CHD8: variants seen among roughly 807,000 people sequenced by gnomAD.
The protein encoded by CHD8 is chromodomain helicase DNA binding protein 8.
CHD8 carries 31 observed loss-of-function variants against 279.2 expected under a neutral mutation model. The ratio of observed to expected loss-of-function variants is 0.11; its 90% CI spans 0.08 to 0.15. The LOEUF (loss-of-function observed/expected upper bound fraction) is 0.15. CHD8 is among the 10% of genes least tolerant of loss of function. The probability of loss-of-function intolerance (pLI) is 1.00; values close to 1 mark genes in which losing one functional copy is unlikely to be tolerated. For synonymous variants in CHD8, 1,081 were observed against 1,139.6 expected, an observed-to-expected ratio of 0.95 and a Z score of 1.04; for missense variants, 2,146 against 3,230.5, an observed-to-expected ratio of 0.66 and a Z score of 8.14.
At chr14:21,454,464 C>G (rs1196421324) in intron 1 of CHD8, among the ~76,000 whole-genome samples, 1 of 152,098 alleles carries the variant, frequency 6.6e-6, no homozygotes, top group Non-Finnish European at 1.5e-5. Flanking sequence ...ACTACAGGCA[C>G]GCGTCACCAT....
chr14:21,397,323 T>C (rs1290025856), intron 27 of CHD8: 1 of 518,824 alleles, frequency 1.9e-6, no homozygotes, highest in South Asian at 1.4e-5. Context: ...GAAGTTTTGT[T>C]AAACTCACTG....
chr14:21,412,062 C>CA (rs907302071), intron 10 of CHD8, among the ~76,000 whole-genome samples: 24 of 133,964 alleles, frequency 1.8e-4, no homozygotes, highest in Admixed American at 4.5e-4. Context: ...AAGATGGTCT[C>CA]AAAAAAAAAC....
At chr14:21,450,834 G>A (rs773639715) in intron 1 of CHD8, among the ~76,000 whole-genome samples, 55 of 150,022 alleles carry the variant, frequency 3.7e-4, no homozygotes, top group Non-Finnish European at 6.6e-4. Flanking sequence ...GTGTTATTAG[G>A]AAATTACTCA....
intron 10 of CHD8, among the ~76,000 whole-genome samples, chr14:21,411,772 G>T (rs1360656472): frequency 6.6e-6 from 1 of 152,188 alleles, no homozygotes; most frequent in Non-Finnish European, 1.5e-5. Context: ...ATTTGAAAAT[G>T]AAAAAGGTGC....
At chr14:21,412,396 A>T (rs1183496282) in intron 10 of CHD8, among the ~76,000 whole-genome samples, 1 of 152,080 alleles carries the variant, frequency 6.6e-6, no homozygotes, top group Non-Finnish European at 1.5e-5. Flanking sequence ...TGCCCACCTC[A>T]GCCTCCCAAA....
At chr14:21,436,037 T>C (rs117863308) in intron 1 of CHD8, among the ~76,000 whole-genome samples, 8 of 152,362 alleles carry the variant, frequency 5.3e-5, no homozygotes, top group Admixed American at 2.0e-4. Flanking sequence ...TGCCCACTTA[T>C]AGATTTCTCC....
intron 1 of CHD8, among the ~76,000 whole-genome samples, chr14:21,443,785 G>A (rs1449076334): frequency 1.3e-5 from 2 of 151,112 alleles, no homozygotes; most frequent in African/African-American, 4.9e-5. Flanking sequence ...GAACCCGGGA[G>A]GCGCAGCTTG....
At chr14:21,397,217 G>C in intron 27 of CHD8, 1 of 423,614 alleles carries the variant, frequency 2.4e-6, no homozygotes, top group Non-Finnish European at 5.0e-6. Context: ...GGCAAACTGA[G>C]GGTGTGATCG....
rs1482036116 is a variant in CHD8 at position 21,412,987 on chromosome 14, G to A, written c.2152C>T (p.Pro718Ser). 1 of 1,600,962 alleles carries A rather than the reference G, an allele frequency of 6.2e-7. No individual in the cohort carries two copies. The highest frequency in any genetic ancestry group is 8.6e-7 in the Non-Finnish European group (1 of 1,168,800). ...MRHFFHEDEE[P>S]FNPDYVEVDR... ...ACCTCTACGTAGTCTGGATTAAAGG[G>A]CTCTTCATCCTAGATGAGTTAGGAA... Residue 718 changes from proline to serine, a missense_variant, in exon 10 of 38, where the codon CCC becomes TCC. Around this residue, in one of 26 missense-constraint regions of CHD8, gnomAD observed 211 missense variants for 464.7 expected, o/e 0.45. Coordinates refer to ENST00000646647, the MANE Select transcript of CHD8 (RefSeq NM_001170629.2).
chr14:21,402,266 A>G lies in CHD8; in HGVS notation c.3882+70T>C, dbSNP rs1888069842. 6.4e-7 allele frequency: 1 copy of G among 1,569,244 alleles called. No homozygotes were observed. Among genetic ancestry groups the G allele is most frequent in the African/African-American group, 1.3e-5 (1 of 74,108 alleles). The stretch of plus-strand genomic sequence containing the variant: ...AAACAAGGTAGTCAAATCCCTGTGT[A>G]CAAATAGCTTTTGTTTCCCTCTATC... On this transcript the variant is annotated intron_variant, in intron 19 of 37. Transcript: ENST00000646647. The surrounding 1 kb of genome is among the most constrained non-coding windows in gnomAD (Gnocchi z 4.5).
intron 1 of CHD8, chr14:21,437,208 G>A (rs971540595): frequency 8.5e-7 from 1 of 1,183,106 alleles, no homozygotes; most frequent in Non-Finnish European, 1.1e-6. Flanking sequence ...AGTGGCTGTG[G>A]GGGGCCGGTT....
chr14:21,421,929 A>T (rs898146058), intron 5 of CHD8, among the ~76,000 whole-genome samples: 3 of 152,246 alleles, frequency 2.0e-5, no homozygotes, highest in Admixed American at 1.3e-4. Context: ...CCAATAGAGG[A>T]AAGACCACGT....
At chr14:21,388,962 A>T (rs1017458199) in intron 37 of CHD8, among the ~76,000 whole-genome samples, 1 of 152,230 alleles carries the variant, frequency 6.6e-6, no homozygotes, top group African/African-American at 2.4e-5. Flanking sequence ...AATCCATTTT[A>T]AATGACTCTA....
intron 30 of CHD8, 44 bp from the exon 31 acceptor site, chr14:21,394,529 C>T (rs1292870782): frequency 8.7e-7 from 1 of 1,152,412 alleles, no homozygotes; most frequent in Non-Finnish European, 1.2e-6. Context: ...AAGAACACAT[C>T]AGAAGAACAC....
At position 21,433,440 on chromosome 14, in the gene CHD8, A is replaced by G. The variant is rs187058165; in HGVS notation, c.-215-1582T>C. ...TGATGACAGTATTTGACAATACAGG[A>G]AAGTCTTGCTTGGTAAGACCATTTC... On this transcript the variant is annotated intron_variant, in intron 1 of 37. Transcript: ENST00000646647. Among the ~76,000 whole-genome samples, 721 of 152,334 alleles carry G rather than the reference A, an allele frequency of 4.7e-3. 6 individuals are homozygous for G. Among genetic ancestry groups the G allele is most frequent in the Middle Eastern group, 0.017 (5 of 294 alleles).
At chr14:21,407,148 C>G in intron 13 of CHD8, 116 bp from the exon 14 acceptor site, 3 of 696,730 alleles carry the variant, frequency 4.3e-6, no homozygotes, top group Non-Finnish European at 2.3e-6. Context: ...ACTGCACCAC[C>G]ACCCACCTCC....
chr14:21,407,199 AAT>A (rs1423842975), intron 13 of CHD8, among the ~76,000 whole-genome samples, 167 bp from the exon 14 acceptor site: 1 of 152,206 alleles, frequency 6.6e-6, no homozygotes, highest in African/African-American at 2.4e-5. Flanking sequence ...CATATCACTG[AAT>A]GTAAGATACA....
intron 1 of CHD8, among the ~76,000 whole-genome samples, chr14:21,439,872 C>T (rs560606731): frequency 4.6e-5 from 7 of 152,314 alleles, no homozygotes; most frequent in East Asian, 1.9e-4. Context: ...AAATTATACA[C>T]ATCTTTAATT....
At chr14:21,417,744 C>T (rs1474107195) in intron 5 of CHD8, among the ~76,000 whole-genome samples, 1 of 151,116 alleles carries the variant, frequency 6.6e-6, no homozygotes, top group Non-Finnish European at 1.5e-5. Flanking sequence ...GTCCCCGCTA[C>T]TCGGGAGGCT....
Sources: gnomAD v4.1 joint callset for allele counts (sites outside exome capture counted in the v4.1 genomes callset) on GRCh38, gnomAD v4.1.1 for gene constraint, gnomAD v4.1.1 regional missense constraint, Gnocchi (gnomAD v3.1) non-coding constraint, MANE v1.5 for transcripts, NCBI Gene and HGNC (gene_info 2026-07-23, HGNC 2026-07-21) for gene names.